Variants in TMEFF2 observed in about 807,000 individuals in gnomAD.
The protein encoded by TMEFF2 is transmembrane protein with EGF like and two follistatin like domains 2.
In TMEFF2, 28 loss-of-function variants were observed where a neutral mutation model predicts 53.8. That is an observed-to-expected ratio of 0.52 (90% CI 0.39 to 0.71). The LOEUF (loss-of-function observed/expected upper bound fraction) is 0.71, where lower values mean the gene tolerates loss of function less well. TMEFF2 is among the 30% of genes least tolerant of loss of function. The pLI is 0.00. For missense variants in TMEFF2, 353 were observed against 455.2 expected (o/e 0.78, Z 2.04); for synonymous variants, 162 against 166.3 (o/e 0.97, Z 0.20).
At chr2:192,036,451 A>G (rs1255968565) in intron 5 of TMEFF2, 1 of 152,250 alleles carries the variant, frequency 6.6e-6, no homozygotes, top group Non-Finnish European at 1.5e-5. Context: ...TGATATGGAA[A>G]GAGAAGGGGA....
At chr2:192,004,568 G>A (rs1686451902) in intron 5 of TMEFF2, among the ~76,000 whole-genome samples, 1 of 152,090 alleles carries the variant, frequency 6.6e-6, no homozygotes, top group African/African-American at 2.4e-5. Context: ...ATCACTTGAG[G>A]TCAGGAATTT....
At chr2:192,140,439 G>A (rs1021091984) in intron 4 of TMEFF2, among the ~76,000 whole-genome samples, 1 of 152,300 alleles carries the variant, frequency 6.6e-6, no homozygotes, top group South Asian at 2.1e-4. Context: ...TGTCCGCACC[G>A]AGGGAGATGA....
chr2:192,115,664 A>C (rs549185895), intron 4 of TMEFF2, among the ~76,000 whole-genome samples: 1 of 151,992 alleles, frequency 6.6e-6, no homozygotes, highest in African/African-American at 2.4e-5. Flanking sequence ...CCCCCAAAAA[A>C]CTCAATCAAA....
intron 3 of TMEFF2, 102 bp downstream of exon 3, chr2:192,184,252 C>A (rs770914903): frequency 3.6e-5 from 51 of 1,402,580 alleles, no homozygotes; most frequent in South Asian, 1.1e-4. Flanking sequence ...GTCTAGTCAA[C>A]ATATAATCTG....
intron 5 of TMEFF2, among the ~76,000 whole-genome samples, chr2:192,011,196 G>A (rs150962597): frequency 1.3e-5 from 2 of 152,314 alleles, no homozygotes; most frequent in Non-Finnish European, 2.9e-5. Context: ...CAATGATAAA[G>A]AGCATAGTTG....
At chr2:192,139,724 C>T (rs560998514) in intron 4 of TMEFF2, among the ~76,000 whole-genome samples, 8 of 152,118 alleles carry the variant, frequency 5.3e-5, no homozygotes, top group African/African-American at 1.4e-4. Flanking sequence ...GCATGCCAAA[C>T]GAATCTCATT....
At chr2:192,082,490 C>T (rs955129969) in intron 4 of TMEFF2, among the ~76,000 whole-genome samples, 1 of 152,148 alleles carries the variant, frequency 6.6e-6, no homozygotes, top group Non-Finnish European at 1.5e-5. Context: ...AATATGGAGA[C>T]TTATTGCAAC....
chr2:192,119,253 C>T (rs1689488174), intron 4 of TMEFF2, among the ~76,000 whole-genome samples: 1 of 152,140 alleles, frequency 6.6e-6, no homozygotes, highest in Non-Finnish European at 1.5e-5. Flanking sequence ...TACAAATCTA[C>T]TAGTGAGAAA....
intron 4 of TMEFF2, among the ~76,000 whole-genome samples, chr2:192,132,374 C>T (rs1469968372): frequency 2.0e-5 from 3 of 152,232 alleles, no homozygotes; most frequent in East Asian, 1.9e-4. Context: ...GTTCATGGCT[C>T]GTTCGGCAGC....
At position 191,949,545 on chromosome 2, in the gene TMEFF2, G is replaced by T; in HGVS notation, c.*766C>A. 1.0e-6 allele frequency: 1 copy of T among 985,226 alleles called. No homozygotes were observed. 61.0% of individuals were successfully genotyped at this position (985,226 alleles called of 1,614,324 possible). Reference sequence around the variant, plus strand: ...CACCCACCTAAATGGAATATATTTTGCCACTCTGTGTATACCTAGTATGTA... The same window carrying T: ...CACCCACCTAAATGGAATATATTTTTCCACTCTGTGTATACCTAGTATGTA... On this transcript the variant is annotated 3_prime_UTR_variant, in exon 10 of 10. Coordinates refer to ENST00000272771, the MANE Select transcript of TMEFF2 (RefSeq NM_016192.4).
intron 4 of TMEFF2, among the ~76,000 whole-genome samples, chr2:192,170,341 A>G (rs964504478): frequency 6.6e-6 from 1 of 152,070 alleles, no homozygotes; most frequent in African/African-American, 2.4e-5. Flanking sequence ...GCATATCTGT[A>G]ATGACTTTCA....
chr2:192,185,489 A>G (rs1025378849), intron 2 of TMEFF2, among the ~76,000 whole-genome samples: 2 of 152,084 alleles, frequency 1.3e-5, no homozygotes, highest in Admixed American at 6.6e-5. Context: ...TAAAAACTCT[A>G]TGTTTTACTT....
intron 5 of TMEFF2, among the ~76,000 whole-genome samples, chr2:192,009,440 A>G (rs913929602): frequency 6.6e-6 from 1 of 152,142 alleles, no homozygotes; most frequent in African/African-American, 2.4e-5. Flanking sequence ...TTATTTCCCA[A>G]TTGATGTTTG....
At chr2:191,964,370 T>TTCTTTCTC (rs1559063514) in intron 7 of TMEFF2, among the ~76,000 whole-genome samples, 1 of 74,852 alleles carries the variant, frequency 1.3e-5, no homozygotes, top group Admixed American at 1.6e-4. Context: ...CTTTCTTTCT[T>TTCTTTCTC]TCTCTTTCTT....
intron 5 of TMEFF2, among the ~76,000 whole-genome samples, chr2:192,026,701 C>T (rs999977382): frequency 2.0e-5 from 3 of 152,160 alleles, no homozygotes; most frequent in Non-Finnish European, 1.5e-5. Flanking sequence ...TATTCTGCTA[C>T]TTGGAAACAA....
intron 7 of TMEFF2, among the ~76,000 whole-genome samples, chr2:191,964,386 CT>C (rs1184602927): frequency 5.7e-5 from 2 of 35,104 alleles, no homozygotes; most frequent in South Asian, 1.5e-3. Flanking sequence ...TTCTTTCTTT[CT>C]TTCTTTCTTT....
intron 4 of TMEFF2, among the ~76,000 whole-genome samples, chr2:192,136,307 A>G (rs16824105): frequency 0.015 from 2,295 of 152,298 alleles, 48 homozygotes; most frequent in African/African-American, 0.053. Context: ...ATTGATAATG[A>G]TAAGACAAGA....
chr2:192,134,333 G>A (rs1343863666), intron 4 of TMEFF2, among the ~76,000 whole-genome samples: 3 of 152,056 alleles, frequency 2.0e-5, no homozygotes, highest in Non-Finnish European at 4.4e-5. Flanking sequence ...TCCACCTGAT[G>A]TTCATCCCAT....
At chr2:192,185,596 ATG>A (rs1393139299) in intron 2 of TMEFF2, among the ~76,000 whole-genome samples, 1 of 152,066 alleles carries the variant, frequency 6.6e-6, no homozygotes, top group African/African-American at 2.4e-5. Context: ...GTTTAAATAT[ATG>A]TGATAACAAA....
Sources: allele counts gnomAD v4.1 joint callset (sites outside exome capture counted in the v4.1 genomes callset), GRCh38; gene constraint gnomAD v4.1.1; transcripts MANE v1.5; gene names NCBI Gene and HGNC (gene_info 2026-07-23, HGNC 2026-07-21).